Variants in SENP1 observed in about 807,000 individuals in gnomAD.
The protein encoded by SENP1 is sentrin-specific protease 1.
In SENP1, 21 loss-of-function variants were observed where a neutral mutation model predicts 93.0. The observed-to-expected ratio is 0.23, with a 90% CI of 0.16 to 0.33. The LOEUF (loss-of-function observed/expected upper bound fraction) is 0.33, where lower values mean the gene tolerates loss of function less well. Ranked by LOEUF, SENP1 falls within the 10% of genes least tolerant of loss-of-function variation. SENP1 has a pLI of 1.00. For synonymous variants in SENP1, 256 were observed against 259.6 expected, an observed-to-expected ratio of 0.99 and a Z score of 0.13; for missense variants, 591 against 758.7, an observed-to-expected ratio of 0.78 and a Z score of 2.60.
chr12:48,104,663 G>C (rs1407686732), intron 1 of SENP1, among the ~76,000 whole-genome samples: 1 of 152,112 alleles, frequency 6.6e-6, no homozygotes, highest in Non-Finnish European at 1.5e-5. Context: ...AACAGGTACC[G>C]CAAGACAGTA....
intron 13 of SENP1, among the ~76,000 whole-genome samples, chr12:48,049,546 T>C (rs1941637048): frequency 6.6e-6 from 1 of 152,230 alleles, no homozygotes; most frequent in Non-Finnish European, 1.5e-5. Context: ...TTTAAGTAGA[T>C]ACTGAGCTCA....
Position 48,088,839 on chromosome 12 carries a change from G to A in SENP1, c.342C>T (p.Asn114=), listed in dbSNP as rs1592443907. 2.5e-6 allele frequency: 4 copies of A among 1,609,078 alleles called. No individual in the cohort carries two copies. The highest frequency in any genetic ancestry group is 4.5e-5 in the East Asian group (2 of 44,806). The change falls in exon 5 of 18, where the codon AAC becomes AAT. Residue 114 remains asparagine (N), a synonymous_variant. Coordinates refer to ENST00000549518, the MANE Select transcript of SENP1 (RefSeq NM_001267594.2). ...SSSSSLQKSR[N]SRSLYLETRK... is the part of the protein sequence containing the mutation. ...GGGTTTCGAGGTAAAGACTTCGGCT[G>A]TTTCTTGATTTTTGTAAAGATGAGC...
At chr12:48,045,420 C>T (rs1411112922) in intron 17 of SENP1, 36 bp from the exon 18 acceptor site, 2 of 1,586,820 alleles carry the variant, frequency 1.3e-6, no homozygotes, top group Admixed American at 3.3e-5. Context: ...ATTTTCAATG[C>T]TTTTGTCTAG....
intron 4 of SENP1, among the ~76,000 whole-genome samples, chr12:48,094,557 G>A (rs1025396305): frequency 2.0e-5 from 3 of 152,084 alleles, no homozygotes; most frequent in African/African-American, 7.2e-5. Flanking sequence ...GCAGGCAGCT[G>A]TAATCCTAGC....
Position 48,068,202 on chromosome 12 carries a change from A to C in SENP1, c.996-1237T>G, listed in dbSNP as rs73301155. ...ATAGTATTTCTTGAATAAACAAGTA[A>C]TGTAGGGACAAGCAGTTTTCTTCAA... On this transcript the variant is annotated intron_variant, in intron 9 of 17. Transcript: ENST00000549518. Among the ~76,000 whole-genome samples, 1,090 of 152,244 alleles carry C rather than the reference A, an allele frequency of 7.2e-3. 18 individuals carry two copies. The highest frequency in any genetic ancestry group is 0.025 in the African/African-American group (1,037 of 41,540).
chr12:48,078,317 T>TTATATATATATATATATATATATATATA (rs370021236), intron 6 of SENP1, among the ~76,000 whole-genome samples: 1,772 of 69,834 alleles, frequency 0.025, 154 homozygotes, highest in Middle Eastern at 0.043. Flanking sequence ...CTGTAGGATT[T>TTATATATATATATATATATATATATATA]TATATATATA....
Position 48,068,615 on chromosome 12 carries a change from G to A in SENP1, c.996-1650C>T, listed in dbSNP as rs911055254. 9.2e-5 allele frequency among the ~76,000 whole-genome samples: 14 copies of A among 152,134 alleles called. No homozygotes were observed. The South Asian group carries it at 1.0e-3, about 11-fold the overall frequency. On this transcript the variant is annotated intron_variant, in intron 9 of 17. Coordinates refer to ENST00000549518, the MANE Select transcript of SENP1 (RefSeq NM_001267594.2). Reference sequence around the variant, plus strand: ...ATGAAAGCATTAAAAAAAAGCGGGGGAGGAATAAGTACTTGGGCTACTCAA... The same window carrying A: ...ATGAAAGCATTAAAAAAAAGCGGGGAAGGAATAAGTACTTGGGCTACTCAA...
intron 13 of SENP1, among the ~76,000 whole-genome samples, chr12:48,061,924 CCTT>C (rs750440251): frequency 7.9e-5 from 12 of 152,180 alleles, no homozygotes; most frequent in Non-Finnish European, 1.6e-4. Flanking sequence ...GAAATGCACT[CCTT>C]CTACAAAAGT....
At chr12:48,103,104 T>C (rs1946066768) in intron 1 of SENP1, among the ~76,000 whole-genome samples, 1 of 152,198 alleles carries the variant, frequency 6.6e-6, no homozygotes, top group South Asian at 2.1e-4. Context: ...TTAAAGTTGC[T>C]TCATAATTGT....
At chr12:48,085,148 C>T in intron 5 of SENP1, 2 of 1,423,606 alleles carry the variant, frequency 1.4e-6, no homozygotes, top group Non-Finnish European at 2.0e-6. Context: ...GGGAGCTTAA[C>T]AAGAACTGCC....
In SENP1 at chr12:48,083,669, T is replaced by C. The variant is rs564897493; in HGVS notation, c.474A>G (p.Pro158=). 3.7e-6 allele frequency: 6 copies of C among 1,612,830 alleles called. No homozygotes were observed. In the Admixed American group the frequency reaches 6.7e-5, roughly 18 times the overall value. ...KSFPIKPVPS[P]SWSGSCRRSL... ...TTCGACGACATGAACCACTCCAAGA[T>C]GGACTTGGAACAGGTTTAATAGGAA... Residue 158 remains proline, a synonymous_variant, in exon 6 of 18, where the codon CCA becomes CCG. Transcript: ENST00000549518.
At chr12:48,078,340 C>A (rs11168391) in intron 6 of SENP1, among the ~76,000 whole-genome samples, 1 of 84,154 alleles carries the variant, frequency 1.2e-5, no homozygotes, top group Non-Finnish European at 2.5e-5. Flanking sequence ...TATATACACA[C>A]ACATATATAT....
At chr12:48,047,116 GC>G (rs1252765006) in intron 15 of SENP1, 54 bp from the exon 16 acceptor site, 1 of 1,103,822 alleles carries the variant, frequency 9.1e-7, no homozygotes, top group Non-Finnish European at 1.4e-6. Flanking sequence ...GATGACAGCT[GC>G]CACACTAAGA....
rs769758084 is a variant in SENP1, at chr12:48,045,359, C to T, written c.1898G>A (p.Arg633Gln). The T allele has an allele frequency of 8.7e-6, 14 of 1,613,660 alleles. No individual in the cohort carries two copies. Among genetic ancestry groups the T allele is most frequent in the Admixed American group, 3.3e-5 (2 of 59,990 alleles). ...TCGGTGGAGGATCTCCCAGACCATC[C>T]GCTTCCGGAAGTATGGCATGTGTTG... Reference protein sequence around the residue: ...TQQHMPYFRKRMVWEILHRKL... With the variant: ...TQQHMPYFRKQMVWEILHRKL... Residue 633 changes from arginine (R) to glutamine (Q), a missense_variant, in exon 18 of 18, where the codon CGG becomes CAG. Transcript: ENST00000549518.
intron 6 of SENP1, among the ~76,000 whole-genome samples, chr12:48,078,334 T>TATATACAC: frequency 5.9e-5 from 4 of 67,892 alleles, no homozygotes; most frequent in Non-Finnish European, 1.2e-4. Flanking sequence ...TATATATATA[T>TATATACAC]ACACACACAT....
At chr12:48,074,177 C>A in intron 8 of SENP1, 147 bp downstream of exon 8, 1 of 693,776 alleles carries the variant, frequency 1.4e-6, no homozygotes, top group East Asian at 2.7e-5. Flanking sequence ...CAAAAAGTTT[C>A]AGATTTTGGA....
At chr12:48,050,668 C>A (rs532932771) in intron 13 of SENP1, among the ~76,000 whole-genome samples, 2 of 152,312 alleles carry the variant, frequency 1.3e-5, no homozygotes, top group South Asian at 4.1e-4. Context: ...AACTCTGCCC[C>A]TCAGGATAAT....
chr12:48,101,445 G>T, intron 2 of SENP1, 24 bp downstream of exon 2: 1 of 1,584,470 alleles, frequency 6.3e-7, no homozygotes, highest in Non-Finnish European at 8.6e-7. Context: ...TAGCTAAAAG[G>T]ATTCAACAGC....
intron 9 of SENP1, among the ~76,000 whole-genome samples, chr12:48,070,443 C>T (rs749534115): frequency 6.6e-6 from 1 of 152,082 alleles, no homozygotes; most frequent in Non-Finnish European, 1.5e-5. Flanking sequence ...TTATCCTTCC[C>T]CTCAAGTAGA....
Sources: allele counts gnomAD v4.1 joint callset (sites outside exome capture counted in the v4.1 genomes callset), GRCh38; gene constraint gnomAD v4.1.1; transcripts MANE v1.5; gene names NCBI Gene and HGNC (gene_info 2026-07-23, HGNC 2026-07-21).